The following KDM4C variants were observed in gnomAD, a reference collection of about 807,000 sequenced individuals.
KDM4C encodes lysine-specific demethylase 4C.
Under a neutral mutation model 129.3 loss-of-function variants are expected in KDM4C, and 81 were observed. The ratio of observed to expected loss-of-function variants is 0.63; its 90% CI spans 0.52 to 0.75. The LOEUF is 0.75. Among genes scored for constraint, KDM4C ranks in the 30% least tolerant of loss-of-function variants. The probability of loss-of-function intolerance (pLI) is 0.00; values close to 1 mark genes in which losing one functional copy is unlikely to be tolerated. For synonymous variants in KDM4C, 573 were observed against 456.1 expected, an observed-to-expected ratio of 1.26 and a Z score of -3.26; for missense variants, 1,457 against 1,304.0, an observed-to-expected ratio of 1.12 and a Z score of -1.81.
chr9:6,736,742 C>T (rs896683170), intron 1 of KDM4C, among the ~76,000 whole-genome samples: 9 of 152,032 alleles, frequency 5.9e-5, no homozygotes, highest in Non-Finnish European at 1.2e-4. Flanking sequence ...TTTTAGGATA[C>T]AAAATCAGTA....
chr9:6,857,781 G>A (rs914428784), intron 5 of KDM4C, among the ~76,000 whole-genome samples: 2 of 148,914 alleles, frequency 1.3e-5, no homozygotes, highest in African/African-American at 5.0e-5. Context: ...TTAAGACAGG[G>A]TCTCGCTCTG....
chr9:7,040,076 T>G (rs1445474823), intron 15 of KDM4C, among the ~76,000 whole-genome samples: 1 of 152,038 alleles, frequency 6.6e-6, no homozygotes, highest in Non-Finnish European at 1.5e-5. Context: ...TGCCAAAAAT[T>G]ACAATTTACA....
intron 17 of KDM4C, among the ~76,000 whole-genome samples, chr9:7,102,918 C>A (rs1837264998): frequency 6.6e-6 from 1 of 152,166 alleles, no homozygotes; most frequent in South Asian, 2.1e-4. Context: ...TTGTTTTTCT[C>A]TATCTCTCAT....
rs369963257 is a variant in KDM4C at position 6,866,971 on chromosome 9, TTGTGTGTGTGTGTG to T, written c.630-13025_630-13012del. Reference sequence around the variant, plus strand: ...TATATGTGTATATAAAAATATATGTTTGTGTGTGTGTGTGTGTGTGTGTGTGTGTATATATATAT... The same window carrying T: ...TATATGTGTATATAAAAATATATGTTTGTGTGTGTGTGTGTATATATATAT... On this transcript the variant is annotated intron_variant, in intron 5 of 21. Coordinates refer to ENST00000381309, the MANE Select transcript of KDM4C (RefSeq NM_015061.6). Among the ~76,000 whole-genome samples the T allele has an allele frequency of 5.5e-5, 7 of 126,258 alleles. No individual in the cohort carries two copies. In the East Asian group the frequency reaches 6.4e-4, roughly 12 times the overall value. 82.8% of individuals were successfully genotyped at this position (126,258 alleles called of 152,430 possible).
At chr9:7,121,419 C>G (rs536323657) in intron 18 of KDM4C, among the ~76,000 whole-genome samples, 3 of 152,288 alleles carry the variant, frequency 2.0e-5, no homozygotes, top group East Asian at 3.9e-4. Flanking sequence ...GAACGAAGGA[C>G]TATGAATCTG....
At chr9:7,121,740 A>G (rs112328753) in intron 18 of KDM4C, among the ~76,000 whole-genome samples, 5 of 152,278 alleles carry the variant, frequency 3.3e-5, no homozygotes, top group African/African-American at 1.2e-4. Context: ...GAAAGTAAGT[A>G]AATCTTAAAT....
intron 18 of KDM4C, among the ~76,000 whole-genome samples, chr9:7,123,260 G>T (rs1215246723): frequency 1.3e-5 from 2 of 152,112 alleles, no homozygotes; most frequent in African/African-American, 4.8e-5. Flanking sequence ...TCCTTATAAA[G>T]CCTGCATCAC....
intron 1 of KDM4C, among the ~76,000 whole-genome samples, chr9:6,738,768 ATT>A (rs34872495): frequency 1.4e-5 from 2 of 139,802 alleles, no homozygotes; most frequent in Non-Finnish European, 3.1e-5. Flanking sequence ...TTTTCTTTTC[ATT>A]TTTTTTTTTT....
intron 7 of KDM4C, among the ~76,000 whole-genome samples, chr9:6,892,194 C>G (rs904452751): frequency 6.6e-6 from 1 of 152,138 alleles, no homozygotes; most frequent in Non-Finnish European, 1.5e-5. Context: ...TATAAGGGGT[C>G]TATCCTATTG....
In KDM4C at chr9:6,771,953, G is replaced by GC. The variant is rs938584258; in HGVS notation, c.-18+13756dup. ...TGTTGGGAAGCCTCTCCCCATTCCAGCCCCCCTGAGGGAGACAGTGCAAGC... is the reference window on the plus strand; with the variant it reads ...TGTTGGGAAGCCTCTCCCCATTCCAGCCCCCCCTGAGGGAGACAGTGCAAGC... On this transcript the variant is annotated intron_variant, in intron 1 of 21. Coordinates refer to ENST00000381309, the MANE Select transcript of KDM4C (RefSeq NM_015061.6). Among the ~76,000 whole-genome samples, 7 of 152,230 alleles carry GC rather than the reference G, an allele frequency of 4.6e-5. No homozygotes were observed. In the South Asian group the frequency reaches 1.2e-3, roughly 27 times the overall value.
chr9:6,807,392 G>A (rs942923216), intron 3 of KDM4C, among the ~76,000 whole-genome samples: 5 of 145,976 alleles, frequency 3.4e-5, no homozygotes, highest in Non-Finnish European at 3.0e-5. Context: ...AGTCTGGAAA[G>A]TGAGGAGCGT....
intron 12 of KDM4C, among the ~76,000 whole-genome samples, chr9:7,009,225 G>A (rs984861524): frequency 6.6e-6 from 1 of 152,138 alleles, no homozygotes; most frequent in African/African-American, 2.4e-5. Flanking sequence ...ATATTCTGGA[G>A]GTAAAGAACA....
intron 1 of KDM4C, among the ~76,000 whole-genome samples, chr9:6,791,266 C>T (rs912548992): frequency 4.6e-5 from 7 of 152,138 alleles, no homozygotes; most frequent in African/African-American, 1.7e-4. Flanking sequence ...CGTGTGCCAC[C>T]ACGCCCGGCT....
At chr9:7,125,540 C>G (rs1440320500) in intron 18 of KDM4C, among the ~76,000 whole-genome samples, 1 of 152,178 alleles carries the variant, frequency 6.6e-6, no homozygotes, top group African/African-American at 2.4e-5. Flanking sequence ...CTGGGAATGT[C>G]TTTGTTTGGT....
rs148186805 is a variant in KDM4C, at chr9:7,103,758, C to T, written c.2498C>T (p.Pro833Leu). Residue 833 changes from proline (P) to leucine (L), a missense_variant, in exon 18 of 22, where the codon CCG (proline) becomes CTG (leucine). Physicochemically the swap from Pro to Leu is moderately conservative, Grantham distance 98. Coordinates refer to ENST00000381309, the MANE Select transcript of KDM4C (RefSeq NM_015061.6). ...ACIQCSYGRCPASFHVTCAHA... is the reference protein window; with the variant it reads ...ACIQCSYGRCLASFHVTCAHA... ...ATCCAGTGTTCCTACGGTCGCTGCC[C>T]GGCCTCCTTCCATGTCACTTGTGCC... 15 of 1,613,922 alleles carry T rather than the reference C, an allele frequency of 9.3e-6. No individual in the cohort carries two copies. Among genetic ancestry groups the T allele is most frequent in the African/African-American group, 4.0e-5 (3 of 75,000 alleles).
chr9:6,831,900 A>G (rs914162483), intron 4 of KDM4C, among the ~76,000 whole-genome samples: 3 of 152,174 alleles, frequency 2.0e-5, no homozygotes, highest in African/African-American at 4.8e-5. Context: ...ATTCAGCTAT[A>G]TTGCTCTTTC....
intron 5 of KDM4C, among the ~76,000 whole-genome samples, chr9:6,876,969 T>C (rs1239644597): frequency 6.6e-6 from 1 of 152,178 alleles, no homozygotes; most frequent in Non-Finnish European, 1.5e-5. Flanking sequence ...CAGAGGTTCT[T>C]AGATATGGTA....
intron 1 of KDM4C, among the ~76,000 whole-genome samples, chr9:6,769,965 G>A (rs1022518742): frequency 7.2e-5 from 11 of 152,258 alleles, no homozygotes; most frequent in African/African-American, 2.4e-4. Context: ...TGGATCACCT[G>A]AGGTCAGGAG....
chr9:7,048,156 A>C (rs765831622), intron 16 of KDM4C, among the ~76,000 whole-genome samples: 1 of 152,098 alleles, frequency 6.6e-6, no homozygotes, highest in Non-Finnish European at 1.5e-5. Flanking sequence ...GAGATGGTTT[A>C]GGTGGTTCCT....
Sources: gnomAD v4.1 joint callset for allele counts (sites outside exome capture counted in the v4.1 genomes callset) on GRCh38, gnomAD v4.1.1 for gene constraint, MANE v1.5 for transcripts, NCBI Gene and HGNC (gene_info 2026-07-23, HGNC 2026-07-21) for gene names.